The following ARID5B variants were observed in gnomAD, a reference collection of about 807,000 sequenced individuals.
The protein encoded by ARID5B is AT-rich interactive domain-containing protein 5B.
ARID5B carries 13 observed loss-of-function variants against 97.2 expected under a neutral mutation model. The ratio of observed to expected loss-of-function variants is 0.13; its 90% CI spans 0.09 to 0.21. The LOEUF (loss-of-function observed/expected upper bound fraction) is 0.21. Ranked by LOEUF, ARID5B falls within the 10% of genes least tolerant of loss-of-function variation. ARID5B has a pLI of 1.00. For synonymous variants in ARID5B, 556 were observed against 570.3 expected (o/e 0.97, Z 0.36); for missense variants, 1,210 against 1,465.3 (o/e 0.83, Z 2.84).
At chr10:61,932,413 C>CTTTTTTTTTTTT (rs200321468) in intron 2 of ARID5B, among the ~76,000 whole-genome samples, 2 of 135,504 alleles carry the variant, frequency 1.5e-5, no homozygotes, top group Non-Finnish European at 1.6e-5. Flanking sequence ...TTTTCTTTTT[C>CTTTTTTTTTTTT]TTTTTTTTTT....
In ARID5B at chr10:62,093,655, T is replaced by TA. The variant is rs1840420809; in HGVS notation, c.*625_*626insA. On this transcript the variant is annotated 3_prime_UTR_variant, in exon 10 of 10. Coordinates refer to ENST00000279873, the MANE Select transcript of ARID5B (RefSeq NM_032199.3). Reference sequence around the variant, plus strand: ...TTTCTCCCAGTTCCTTCTCGTCTTTTTTTTTTTTTTTTTTTTTTTTTTTAT... The same window carrying TA: ...TTTCTCCCAGTTCCTTCTCGTCTTTTATTTTTTTTTTTTTTTTTTTTTTTAT... 1 of 187,682 alleles carries TA rather than the reference T, an allele frequency of 5.3e-6. No homozygotes were observed. The highest frequency in any genetic ancestry group is 2.0e-4 in the South Asian group (1 of 5,014). The allele number at this position is 187,682 out of a possible 1,614,324, so 11.6% of individuals were successfully genotyped here.
intron 2 of ARID5B, among the ~76,000 whole-genome samples, chr10:61,937,898 G>A (rs76465877): frequency 0.067 from 10,159 of 152,180 alleles, 346 homozygotes; most frequent in East Asian, 0.12. Context: ...TTGGCTTGCT[G>A]TTTCCCCCTC....
In ARID5B at chr10:62,050,942, A is replaced by G. The variant is rs768544889; in HGVS notation, c.788A>G (p.Asp263Gly). The G allele has an allele frequency of 5.0e-6, 8 of 1,614,058 alleles. No homozygotes were observed. Among genetic ancestry groups the G allele is most frequent in the Non-Finnish European group, 6.8e-6 (8 of 1,180,010 alleles). Reference sequence around the variant, plus strand: ...AAGAAACCATGCCCACAAAGAAGAGATTCATTCAGTGGTGTTAAGGATTCC... The same window carrying G: ...AAGAAACCATGCCCACAAAGAAGAGGTTCATTCAGTGGTGTTAAGGATTCC... Reference protein sequence around the residue: ...RKKKPCPQRRDSFSGVKDSNN... With the variant: ...RKKKPCPQRRGSFSGVKDSNN... The change falls in exon 5 of 10, where the codon GAT (aspartate) becomes GGT (glycine). Residue 263 changes from aspartate to glycine, a missense_variant. This residue lies in a region of ARID5B where 132 missense variants were observed against 156.7 expected (regional missense o/e 0.84). Transcript: ENST00000279873.
intron 4 of ARID5B, among the ~76,000 whole-genome samples, chr10:62,006,930 T>C (rs1056466936): frequency 5.9e-5 from 9 of 152,186 alleles, no homozygotes; most frequent in African/African-American, 2.2e-4. Flanking sequence ...TAAACTTTTG[T>C]TCACGCCGTA....
At chr10:61,967,885 C>T (rs1489945240) in intron 3 of ARID5B, among the ~76,000 whole-genome samples, 1 of 152,040 alleles carries the variant, frequency 6.6e-6, no homozygotes, top group African/African-American at 2.4e-5. Context: ...TTCATATAAC[C>T]TTTTGGTTTG....
intron 2 of ARID5B, among the ~76,000 whole-genome samples, chr10:61,903,106 G>A (rs1843644876): frequency 6.6e-6 from 1 of 151,578 alleles, no homozygotes; most frequent in Non-Finnish European, 1.5e-5. Flanking sequence ...GCCATTTGAT[G>A]TTCTAGTTTG....
At chr10:62,077,243 C>G (rs1404790583) in intron 8 of ARID5B, among the ~76,000 whole-genome samples, 1 of 152,136 alleles carries the variant, frequency 6.6e-6, no homozygotes, top group Non-Finnish European at 1.5e-5. Context: ...GCCTAAAATG[C>G]TCTGATAACT....
At chr10:62,072,153 C>T (rs1564643815) in intron 8 of ARID5B, among the ~76,000 whole-genome samples, 1 of 152,166 alleles carries the variant, frequency 6.6e-6, no homozygotes, top group East Asian at 1.9e-4. Flanking sequence ...AGTCACCCAA[C>T]CAGCACTGAT....
At chr10:61,965,289 C>T (rs1435540124) in intron 3 of ARID5B, among the ~76,000 whole-genome samples, 1 of 152,058 alleles carries the variant, frequency 6.6e-6, no homozygotes, top group Non-Finnish European at 1.5e-5. Context: ...TTGAATATCC[C>T]TCTTTAAAGA....
At chr10:61,968,544 A>C (rs901156010) in intron 3 of ARID5B, among the ~76,000 whole-genome samples, 11 of 152,018 alleles carry the variant, frequency 7.2e-5, no homozygotes, top group Non-Finnish European at 8.8e-5. Flanking sequence ...GAACCCTTTC[A>C]AGGTATCCTA....
At chr10:61,920,236 A>G (rs1368821417) in intron 2 of ARID5B, among the ~76,000 whole-genome samples, 1 of 152,118 alleles carries the variant, frequency 6.6e-6, no homozygotes, top group East Asian at 1.9e-4. Context: ...ACAGGAGGAC[A>G]GGGTCTGCAG....
chr10:62,086,816 A>G (rs1840290891), intron 9 of ARID5B, among the ~76,000 whole-genome samples: 2 of 151,730 alleles, frequency 1.3e-5, no homozygotes, highest in African/African-American at 4.8e-5. Flanking sequence ...AGCTGTGATT[A>G]TACCACTGCA....
intron 7 of ARID5B, among the ~76,000 whole-genome samples, chr10:62,067,018 A>T (rs1839998582): frequency 6.6e-6 from 1 of 151,916 alleles, no homozygotes. Flanking sequence ...GAATTAACGG[A>T]TGAGTGACTG....
intron 4 of ARID5B, among the ~76,000 whole-genome samples, chr10:62,005,670 G>A (rs909695878): frequency 6.6e-6 from 1 of 152,136 alleles, no homozygotes; most frequent in African/African-American, 2.4e-5. Flanking sequence ...AAGAAAAGGG[G>A]GAGAACAGAA....
At position 62,042,600 on chromosome 10, in the gene ARID5B, G is replaced by C. The variant is rs1006339803; in HGVS notation, c.734-8288G>C. On this transcript the variant is annotated intron_variant, in intron 4 of 9. Transcript: ENST00000279873. ...AGTCCTAAGATGTCCGCTCTGCCCT[G>C]ATGTCTCTTTATAGAATATGTGGAA... Among the ~76,000 whole-genome samples, 3 of 152,154 alleles carry C rather than the reference G, an allele frequency of 2.0e-5. 1 individual carries two copies. The highest frequency in any genetic ancestry group is 4.4e-5 in the Non-Finnish European group (3 of 68,022).
chr10:62,091,463 A>T lies in ARID5B; in HGVS notation c.2000A>T (p.Asn667Ile), dbSNP rs1326309906. Residue 667 changes from asparagine (N) to isoleucine (I), a missense_variant, in exon 10 of 10, where the codon AAC becomes ATC. Coordinates refer to ENST00000279873, the MANE Select transcript of ARID5B (RefSeq NM_032199.3). ...FKDKDLTGPM[N>I]ENHGLNYTPL... is the part of the protein sequence containing the mutation. ...GACAAAGACCTGACTGGGCCCATGAACGAGAACCATGGACTTAATTACACG... is the reference window on the plus strand; with the variant it reads ...GACAAAGACCTGACTGGGCCCATGATCGAGAACCATGGACTTAATTACACG... 14 of 1,612,076 alleles carry T rather than the reference A, an allele frequency of 8.7e-6. No individual in the cohort carries two copies. The highest frequency in any genetic ancestry group is 1.2e-5 in the Non-Finnish European group (14 of 1,178,902).
At chr10:61,956,681 C>T (rs1400415262) in intron 3 of ARID5B, among the ~76,000 whole-genome samples, 2 of 152,118 alleles carry the variant, frequency 1.3e-5, no homozygotes, top group East Asian at 1.9e-4. Context: ...TCTGGTGGCC[C>T]TTATCTAAAG....
At chr10:62,083,038 G>A (rs752502443) in intron 8 of ARID5B, among the ~76,000 whole-genome samples, 7 of 151,518 alleles carry the variant, frequency 4.6e-5, no homozygotes, top group East Asian at 1.9e-4. Flanking sequence ...AAAAACACTC[G>A]GTTGACCTTT....
intron 4 of ARID5B, among the ~76,000 whole-genome samples, chr10:62,021,889 T>A (rs1839360783): frequency 6.6e-6 from 1 of 152,180 alleles, no homozygotes; most frequent in African/African-American, 2.4e-5. Flanking sequence ...TCATAGCAAC[T>A]GGGAGATGAC....
Sources: allele counts gnomAD v4.1 joint callset (sites outside exome capture counted in the v4.1 genomes callset), GRCh38; gene constraint gnomAD v4.1.1; regional missense constraint gnomAD v4.1.1; transcripts MANE v1.5; gene names NCBI Gene and HGNC (gene_info 2026-07-23, HGNC 2026-07-21).